The following GGA3 variants were observed in gnomAD, a reference collection of about 807,000 sequenced individuals.
GGA3 encodes golgi associated, gamma adaptin ear containing, ARF binding protein 3, also known as ADP-ribosylation factor-binding protein GGA3.
In GGA3, 57 loss-of-function variants were observed where a neutral mutation model predicts 77.5. The ratio of observed to expected loss-of-function variants is 0.74; its 90% confidence interval spans 0.59 to 0.92. The LOEUF is 0.92. GGA3 is among the 40% of genes least tolerant of loss of function. The pLI is 0.00. For synonymous variants in GGA3, 416 were observed against 383.7 expected, an observed-to-expected ratio of 1.08 and a Z score of -0.98; for missense variants, 970 against 914.9, an observed-to-expected ratio of 1.06 and a Z score of -0.78.
intron 1 of GGA3, among the ~76,000 whole-genome samples, chr17:75,258,481 C>T (rs901955213): frequency 6.6e-6 from 1 of 152,048 alleles, no homozygotes; most frequent in Non-Finnish European, 1.5e-5. Context: ...AACAGCCTGG[C>T]CAACATGGTG....
chr17:75,253,151 G>T (rs1452782731), intron 1 of GGA3, among the ~76,000 whole-genome samples: 2 of 152,130 alleles, frequency 1.3e-5, no homozygotes, highest in African/African-American at 4.8e-5. Flanking sequence ...TACGACCTCA[G>T]GTCCTCAGAC....
chr17:75,246,248 T>C (rs368959646), intron 3 of GGA3, among the ~76,000 whole-genome samples: 27 of 152,312 alleles, frequency 1.8e-4, no homozygotes, highest in Non-Finnish European at 3.7e-4. Context: ...CTGCTTTCCT[T>C]AGCCCCTCTG....
chr17:75,240,434 G>C, intron 11 of GGA3, 22 bp from the exon 12 acceptor site: 3 of 1,526,686 alleles, frequency 2.0e-6, no homozygotes, highest in Non-Finnish European at 2.7e-6. Flanking sequence ...GAAGAAAACA[G>C]GATGAGAAGA....
intron 1 of GGA3, among the ~76,000 whole-genome samples, chr17:75,257,266 A>C (rs2077181960): frequency 7.8e-6 from 1 of 128,856 alleles, no homozygotes; most frequent in East Asian, 2.4e-4. Flanking sequence ...ACACCAGACC[A>C]ACTTAGACTG....
Position 75,239,805 on chromosome 17 carries a change from G to A in GGA3, c.1567C>T (p.Leu523=). Residue 523 remains leucine, a synonymous_variant, in exon 13 of 17, where the codon CTA becomes TTA. Transcript: ENST00000537686. ...ACTCATTACACTTTGGCCTCTTCTAGAAGCTGATCGAGGGCATCCAGGTGG... is the reference window on the plus strand; with the variant it reads ...ACTCATTACACTTTGGCCTCTTCTAAAAGCTGATCGAGGGCATCCAGGTGG... ...LHHLDALDQL[L]EEAKVTSGLV... is the part of the protein sequence containing the mutation. 2 of 1,613,754 alleles carry A rather than the reference G, an allele frequency of 1.2e-6. No individual in the cohort carries two copies. Among genetic ancestry groups the A allele is most frequent in the Non-Finnish European group, 1.7e-6 (2 of 1,180,040 alleles).
Position 75,248,279 on chromosome 17 carries a change from G to A in GGA3, c.41-1483C>T, listed in dbSNP as rs545830066. On this transcript the variant is annotated intron_variant, in intron 1 of 16. Coordinates refer to ENST00000537686, the MANE Select transcript of GGA3 (RefSeq NM_138619.4). Reference sequence around the variant, plus strand: ...GAGGTCAGGAGATCGAGACCATCCTGGTTAACACGGTGAAACCCCCTCTCT... The same window carrying A: ...GAGGTCAGGAGATCGAGACCATCCTAGTTAACACGGTGAAACCCCCTCTCT... Among the ~76,000 whole-genome samples, 77 of 149,900 alleles carry A rather than the reference G, an allele frequency of 5.1e-4. 2 individuals are homozygous for A. The South Asian group carries it at 0.016, about 31-fold the overall frequency.
rs574935880 is a variant in GGA3, at chr17:75,247,450, C to T, written c.41-654G>A. ...ACTAATTTTGTATTTTTGGTAGAGA[C>T]GGGGTTTCTCCATGTTGGTCAGGCT... is the stretch of plus-strand genomic sequence containing the variant. On this transcript the variant is annotated intron_variant, in intron 1 of 16. Coordinates refer to ENST00000537686, the MANE Select transcript of GGA3 (RefSeq NM_138619.4). Among the ~76,000 whole-genome samples the T allele has an allele frequency of 4.6e-5, 7 of 151,962 alleles. No individual in the cohort carries two copies. The South Asian group carries it at 6.2e-4, about 14-fold the overall frequency.
chr17:75,247,263 ATTT>A (rs373755619), intron 1 of GGA3, among the ~76,000 whole-genome samples: 5 of 145,810 alleles, frequency 3.4e-5, no homozygotes, highest in African/African-American at 7.5e-5. Flanking sequence ...GTAACCACAA[ATTT>A]TTTTTTTTTT....
At chr17:75,245,027 C>T (rs2076706529) in intron 3 of GGA3, among the ~76,000 whole-genome samples, 1 of 152,094 alleles carries the variant, frequency 6.6e-6, no homozygotes, top group South Asian at 2.1e-4. Flanking sequence ...AAGATTCTGG[C>T]CTCGTGTTTT....
At chr17:75,240,575 T>A (rs773567411) in intron 11 of GGA3, 163 bp from the exon 12 acceptor site, 18 of 656,170 alleles carry the variant, frequency 2.7e-5, no homozygotes, top group Non-Finnish European at 4.2e-5. Flanking sequence ...AGCGCTCCAG[T>A]CCATGATGCA....
chr17:75,244,813 A>G, intron 3 of GGA3, 96 bp from the exon 4 acceptor site: 1 of 784,156 alleles, frequency 1.3e-6, no homozygotes, highest in Non-Finnish European at 2.2e-6. Flanking sequence ...GTACTGAATA[A>G]ACACGCCCAC....
intron 9 of GGA3, 25 bp downstream of exon 9, chr17:75,241,590 C>A (rs368323953): frequency 7.2e-5 from 116 of 1,611,012 alleles, no homozygotes; most frequent in Non-Finnish European, 7.9e-5. Context: ...CCTGGCTTAT[C>A]CCTGACCGTC....
intron 1 of GGA3, among the ~76,000 whole-genome samples, chr17:75,254,258 T>A (rs138054676): frequency 4.7e-4 from 71 of 152,152 alleles, no homozygotes; most frequent in Middle Eastern, 3.4e-3. Context: ...TAGGTCCCAA[T>A]TCTTCCTCAG....
At chr17:75,240,227 C>A in intron 12 of GGA3, 115 bp downstream of exon 12, 1 of 1,147,500 alleles carries the variant, frequency 8.7e-7, no homozygotes, top group Non-Finnish European at 1.3e-6. Context: ...CATTGTTCCC[C>A]GCTGCAGCTG....
In GGA3 at chr17:75,239,484, G is replaced by A. The variant is rs747848775; in HGVS notation, c.1671C>T (p.Pro557=). ...TCAGTGGCTGGAAGAGCGGGCTGCC[G>A]GGCCCCGTGGAGAAGGGCAGGAGGG... ...ARPLLPFSTG[P]GSPLFQPLSF... The change falls in exon 14 of 17, where the codon CCC becomes CCT. Residue 557 remains proline (P), a synonymous_variant. Coordinates refer to ENST00000537686, the MANE Select transcript of GGA3 (RefSeq NM_138619.4). 32 of 1,578,702 alleles carry A rather than the reference G, an allele frequency of 2.0e-5. No individual in the cohort carries two copies. Among genetic ancestry groups the A allele is most frequent in the African/African-American group, 5.5e-5 (4 of 72,688 alleles).
intron 1 of GGA3, among the ~76,000 whole-genome samples, chr17:75,259,330 AT>A (rs953875429): frequency 6.6e-6 from 1 of 152,166 alleles, no homozygotes; most frequent in Non-Finnish European, 1.5e-5. Flanking sequence ...GCAGGTACTC[AT>A]TAAACATTGA....
intron 2 of GGA3, 25 bp downstream of exon 2, chr17:75,246,687 C>T (rs1567792533): frequency 6.2e-7 from 1 of 1,606,058 alleles, no homozygotes; most frequent in Non-Finnish European, 8.5e-7. Flanking sequence ...TCCCTCTCAG[C>T]TGCCCCCACA....
chr17:75,246,478 G>T, intron 3 of GGA3, 31 bp downstream of exon 3: 2 of 1,432,762 alleles, frequency 1.4e-6, no homozygotes, highest in Non-Finnish European at 2.0e-6. Flanking sequence ...GAAGGGCTGC[G>T]GTTTCCACCT....
intron 1 of GGA3, among the ~76,000 whole-genome samples, chr17:75,257,965 C>T (rs1400904806): frequency 6.6e-6 from 1 of 152,192 alleles, no homozygotes; most frequent in Non-Finnish European, 1.5e-5. Flanking sequence ...ATAGCCTTAA[C>T]TGATGACATT....
Sources: allele counts gnomAD v4.1 joint callset (sites outside exome capture counted in the v4.1 genomes callset), GRCh38; gene constraint gnomAD v4.1.1; transcripts MANE v1.5; gene names NCBI Gene and HGNC (gene_info 2026-07-23, HGNC 2026-07-21).